PTPRT: variants seen among roughly 807,000 people sequenced by gnomAD.
PTPRT encodes the protein protein tyrosine phosphatase receptor type T.
Under a neutral mutation model 176.8 loss-of-function variants are expected in PTPRT, and 56 were observed. The ratio of observed to expected loss-of-function variants is 0.32; its 90% CI spans 0.26 to 0.40. The LOEUF (loss-of-function observed/expected upper bound fraction) is 0.40. PTPRT is among the 10% of genes least tolerant of loss of function. PTPRT has a pLI of 1.00. For missense variants in PTPRT, 1,540 were observed against 1,908.2 expected (o/e 0.81, Z 3.60); for synonymous variants, 783 against 739.0 (o/e 1.06, Z -0.96).
chr20:42,384,347 TG>T, intron 9 of PTPRT, among the ~76,000 whole-genome samples: 1 of 152,220 alleles, frequency 6.6e-6, no homozygotes, highest in African/African-American at 2.4e-5. Flanking sequence ...GTGACGGCAG[TG>T]GGGAAGGAGG....
intron 15 of PTPRT, among the ~76,000 whole-genome samples, chr20:42,235,833 C>T (rs969968663): frequency 6.6e-6 from 1 of 152,210 alleles, no homozygotes; most frequent in Non-Finnish European, 1.5e-5. Flanking sequence ...GCCCCCAGGG[C>T]TACCCATTCT....
At chr20:42,619,606 A>G (rs947997735) in intron 7 of PTPRT, among the ~76,000 whole-genome samples, 1 of 133,572 alleles carries the variant, frequency 7.5e-6, no homozygotes, top group African/African-American at 3.4e-5. Flanking sequence ...GTCTTTTCAC[A>G]TAGTCCCATA....
At chr20:42,085,952 CTTT>C (rs200706584) in intron 27 of PTPRT, 99 bp from the exon 28 acceptor site, 26 of 1,095,460 alleles carry the variant, frequency 2.4e-5, no homozygotes, top group Admixed American at 8.7e-5. Flanking sequence ...TTTTCTTTTT[CTTT>C]TTTTTTTTTG....
the PTPRT span, among the ~76,000 whole-genome samples, chr20:42,051,334 C>T: frequency 6.6e-6 from 1 of 152,140 alleles, no homozygotes; most frequent in Non-Finnish European, 1.5e-5. Flanking sequence ...AGGAGTAACT[C>T]TGAGACAAGG....
At chr20:42,643,004 C>A (rs1007994757) in intron 7 of PTPRT, among the ~76,000 whole-genome samples, 1 of 152,108 alleles carries the variant, frequency 6.6e-6, no homozygotes, top group Non-Finnish European at 1.5e-5. Flanking sequence ...GAGAAGACAC[C>A]CCAAGGCCAG....
At chr20:43,142,717 CA>C (rs2146403697) in intron 1 of PTPRT, among the ~76,000 whole-genome samples, 1 of 152,302 alleles carries the variant, frequency 6.6e-6, no homozygotes, top group Admixed American at 6.5e-5. Flanking sequence ...ATTATCTACC[CA>C]AAGACAACTG....
At chr20:42,201,648 G>C (rs1164863971) in intron 15 of PTPRT, among the ~76,000 whole-genome samples, 1 of 148,484 alleles carries the variant, frequency 6.7e-6, no homozygotes, top group Non-Finnish European at 1.5e-5. Context: ...CTGTGAAAAG[G>C]AGGTACCCTG....
At chr20:42,071,451 T>C (rs1982330869), downstream of PTPRT, among the ~76,000 whole-genome samples, 1 of 152,082 alleles carries the variant, frequency 6.6e-6, no homozygotes, top group Non-Finnish European at 1.5e-5. Context: ...AATTTTAGCA[T>C]GTATTATAAT....
At chr20:42,783,687 C>T (rs1471351354) in intron 3 of PTPRT, among the ~76,000 whole-genome samples, 1 of 152,114 alleles carries the variant, frequency 6.6e-6, no homozygotes, top group Non-Finnish European at 1.5e-5. Context: ...GAAAGACCTG[C>T]CAAGGTGTTC....
intron 2 of PTPRT, among the ~76,000 whole-genome samples, chr20:42,812,242 A>G (rs2077708599): frequency 6.6e-6 from 1 of 152,134 alleles, no homozygotes. Flanking sequence ...AATATGTAAC[A>G]TAAAATTTAG....
chr20:42,274,403 C>A (rs531230998), intron 13 of PTPRT, among the ~76,000 whole-genome samples: 1 of 152,244 alleles, frequency 6.6e-6, no homozygotes, highest in African/African-American at 2.4e-5. Context: ...GTTAGCAAAG[C>A]CTAGCCTAGC....
chr20:42,419,712 C>G (rs1330069901), intron 9 of PTPRT, among the ~76,000 whole-genome samples: 1 of 152,126 alleles, frequency 6.6e-6, no homozygotes, highest in African/African-American at 2.4e-5. Flanking sequence ...TAATTTCTGT[C>G]CTGACAGTAG....
chr20:42,260,043 T>C, intron 13 of PTPRT, among the ~76,000 whole-genome samples: 1 of 152,204 alleles, frequency 6.6e-6, no homozygotes, highest in East Asian at 1.9e-4. Flanking sequence ...TAGACAACAC[T>C]ACTGTCTTGG....
intron 1 of PTPRT, among the ~76,000 whole-genome samples, chr20:43,042,297 C>A (rs1216275979): frequency 6.6e-6 from 1 of 152,174 alleles, no homozygotes; most frequent in African/African-American, 2.4e-5. Flanking sequence ...CTCTGCAAAG[C>A]CTGTAGGCTG....
chr20:42,390,773 C>T (rs1302580108), intron 9 of PTPRT, among the ~76,000 whole-genome samples: 1 of 152,186 alleles, frequency 6.6e-6, no homozygotes, highest in African/African-American at 2.4e-5. Context: ...TAAGCTAAGT[C>T]ACTCTAAGAT....
chr20:42,459,831 T>C (rs2070987951), intron 8 of PTPRT, among the ~76,000 whole-genome samples: 1 of 149,580 alleles, frequency 6.7e-6, no homozygotes, highest in Non-Finnish European at 1.5e-5. Context: ...GCTGAGATCA[T>C]AGGTACACAC....
At chr20:42,930,290 G>A (rs1331322945) in intron 1 of PTPRT, among the ~76,000 whole-genome samples, 6 of 152,112 alleles carry the variant, frequency 3.9e-5, no homozygotes, top group African/African-American at 9.7e-5. Context: ...CAGCTGAGGG[G>A]GCTGGATCCC....
intron 2 of PTPRT, among the ~76,000 whole-genome samples, chr20:42,796,982 A>G (rs533993948): frequency 6.6e-6 from 1 of 152,342 alleles, no homozygotes; most frequent in East Asian, 1.9e-4. Context: ...TAATACAACT[A>G]CTATTTATAA....
intron 2 of PTPRT, among the ~76,000 whole-genome samples, chr20:42,825,559 G>A (rs1344754694): frequency 6.6e-6 from 1 of 152,018 alleles, no homozygotes; most frequent in East Asian, 1.9e-4. Flanking sequence ...GCATACACAT[G>A]TGTGTATATA....
Sources: allele counts gnomAD v4.1 joint callset (sites outside exome capture counted in the v4.1 genomes callset), GRCh38; gene constraint gnomAD v4.1.1; transcripts MANE v1.5; gene names NCBI Gene and HGNC (gene_info 2026-07-23, HGNC 2026-07-21).